ACAP2: variants seen among roughly 807,000 people sequenced by gnomAD.
The protein encoded by ACAP2 is arf-GAP with coiled-coil, ANK repeat and PH domain-containing protein 2.
In ACAP2, 39 loss-of-function variants were observed where a neutral mutation model predicts 115.8. The ratio of observed to expected loss-of-function variants is 0.34; its 90% confidence interval spans 0.26 to 0.44. The LOEUF (loss-of-function observed/expected upper bound fraction) is 0.44. Ranked by LOEUF, ACAP2 falls within the 20% of genes least tolerant of loss-of-function variation. The pLI, the probability that ACAP2 is intolerant of heterozygous loss-of-function variation, is 1.00. For missense variants in ACAP2, 662 were observed against 927.6 expected, an observed-to-expected ratio of 0.71 and a Z score of 3.72; for synonymous variants, 289 against 315.8, an observed-to-expected ratio of 0.92 and a Z score of 0.90.
In ACAP2 at chr3:195,413,585, C is replaced by T. The variant is rs527457277; in HGVS notation, c.54-21438G>A. Among the ~76,000 whole-genome samples the T allele has an allele frequency of 3.9e-5, 6 of 152,004 alleles. No homozygotes were observed. The East Asian group carries it at 9.6e-4, about 24-fold the overall frequency. ...CCAACATTGCGAAACCCTGTCTCTACGAAAAATACAAAAAATTAGGCGGGT... is the reference window on the plus strand; with the variant it reads ...CCAACATTGCGAAACCCTGTCTCTATGAAAAATACAAAAAATTAGGCGGGT... On this transcript the variant is annotated intron_variant, in intron 1 of 22. Transcript: ENST00000326793.
At chr3:195,294,847 C>T in intron 17 of ACAP2, 36 bp from the exon 18 acceptor site, 1 of 1,355,996 alleles carries the variant, frequency 7.4e-7, no homozygotes, top group Non-Finnish European at 1.0e-6. Flanking sequence ...GATTAAAGTT[C>T]ATGCCATTTA....
At chr3:195,310,943 A>G (rs75272913) in intron 10 of ACAP2, among the ~76,000 whole-genome samples, 3,282 of 152,214 alleles carry the variant, frequency 0.022, 115 homozygotes, top group East Asian at 0.1. Context: ...TGTGTCTTAC[A>G]ACACTATCAC....
At chr3:195,348,608 C>T (rs60177727) in intron 4 of ACAP2, among the ~76,000 whole-genome samples, 43,606 of 151,866 alleles carry the variant, frequency 0.29, 7,165 homozygotes, top group East Asian at 0.71. Context: ...CATAAGAATA[C>T]ATAGGAAGGA....
chr3:195,366,208 C>T (rs1732712207), intron 4 of ACAP2, among the ~76,000 whole-genome samples: 1 of 152,114 alleles, frequency 6.6e-6, no homozygotes, highest in African/African-American at 2.4e-5. Context: ...AGTGGTTCTC[C>T]ACTGGCTTAG....
intron 1 of ACAP2, among the ~76,000 whole-genome samples, chr3:195,434,590 T>C (rs1442670815): frequency 6.6e-6 from 1 of 152,228 alleles, no homozygotes; most frequent in Non-Finnish European, 1.5e-5. Context: ...AGGATAACAA[T>C]GGACTAATGA....
chr3:195,438,038 T>TTTA, intron 1 of ACAP2, among the ~76,000 whole-genome samples: 1 of 149,356 alleles, frequency 6.7e-6, no homozygotes, highest in South Asian at 2.1e-4. Context: ...TCTTTTTTTT[T>TTTA]TTTTTGAGAT....
At chr3:195,342,404 C>A in intron 6 of ACAP2, 67 bp downstream of exon 6, 1 of 1,406,344 alleles carries the variant, frequency 7.1e-7, no homozygotes, top group South Asian at 1.5e-5. Context: ...TTAGGGCGAT[C>A]ACTCAAAAGT....
chr3:195,364,472 G>A (rs540080631), intron 4 of ACAP2, among the ~76,000 whole-genome samples: 7 of 152,230 alleles, frequency 4.6e-5, no homozygotes, highest in East Asian at 3.9e-4. Flanking sequence ...TAGGGAGGCC[G>A]AGGCAGGAGA....
intron 18 of ACAP2, 86 bp downstream of exon 18, chr3:195,294,633 T>TATATATATAA (rs1560209956): frequency 9.6e-6 from 2 of 208,690 alleles, no homozygotes; most frequent in East Asian, 1.4e-4. Context: ...ATATATATAA[T>TATATATATAA]TTTTTTTTTA....
intron 4 of ACAP2, among the ~76,000 whole-genome samples, chr3:195,377,412 T>C (rs1733627170): frequency 6.6e-6 from 1 of 151,994 alleles, no homozygotes; most frequent in Non-Finnish European, 1.5e-5. Context: ...CCCAAAGTGC[T>C]GAGATTACAG....
At chr3:195,386,668 T>C (rs943584036) in intron 2 of ACAP2, among the ~76,000 whole-genome samples, 1 of 151,770 alleles carries the variant, frequency 6.6e-6, no homozygotes, top group East Asian at 1.9e-4. Flanking sequence ...AGGGAGAGCA[T>C]TAGGACAAAT....
At chr3:195,341,666 A>G (rs6437373) in intron 6 of ACAP2, among the ~76,000 whole-genome samples, 43,833 of 151,956 alleles carry the variant, frequency 0.29, 7,209 homozygotes, top group East Asian at 0.71. Context: ...CAAAAATATG[A>G]TAACACTACT....
At chr3:195,288,418 C>T (rs1372917923) in intron 21 of ACAP2, among the ~76,000 whole-genome samples, 1 of 152,086 alleles carries the variant, frequency 6.6e-6, no homozygotes, top group Non-Finnish European at 1.5e-5. Context: ...CAACCAACTT[C>T]GAAGTTCACA....
At chr3:195,408,041 G>A (rs952937353) in intron 1 of ACAP2, among the ~76,000 whole-genome samples, 7 of 152,012 alleles carry the variant, frequency 4.6e-5, no homozygotes, top group East Asian at 1.9e-4. Context: ...CCAACAAACC[G>A]GACAAGCTAG....
In ACAP2 at chr3:195,294,774, A is replaced by G; in HGVS notation, c.1710T>C (p.Asp570=). 1.2e-6 allele frequency: 2 copies of G among 1,610,374 alleles called. No homozygotes were observed. Among genetic ancestry groups the G allele is most frequent in the Non-Finnish European group, 1.7e-6 (2 of 1,177,478 alleles). The part of the protein sequence containing the change: ...SNDSGIQQSS[D]DGRESLPSTV... Reference sequence around the variant, plus strand: ...TGGAGGGTAAAGATTCTCTTCCATCATCAGAGCTCTGCTGAATTCCACTGT... The same window carrying G: ...TGGAGGGTAAAGATTCTCTTCCATCGTCAGAGCTCTGCTGAATTCCACTGT... The change falls in exon 18 of 23, where the codon GAT becomes GAC. Residue 570 remains aspartate, a synonymous_variant. Coordinates refer to ENST00000326793, the MANE Select transcript of ACAP2 (RefSeq NM_012287.6).
At chr3:195,421,538 T>C (rs1714190463) in intron 1 of ACAP2, among the ~76,000 whole-genome samples, 1 of 152,214 alleles carries the variant, frequency 6.6e-6, no homozygotes, top group African/African-American at 2.4e-5. Context: ...TTGTTTGTAT[T>C]TGTTGGAATC....
At chr3:195,380,495 T>C (rs1733872183) in intron 4 of ACAP2, among the ~76,000 whole-genome samples, 1 of 152,186 alleles carries the variant, frequency 6.6e-6, no homozygotes, top group Non-Finnish European at 1.5e-5. Flanking sequence ...AGGAATTTTG[T>C]GACACTCCCA....
chr3:195,281,663 A>T (rs536092369), intron 22 of ACAP2, among the ~76,000 whole-genome samples: 1 of 152,344 alleles, frequency 6.6e-6, no homozygotes, highest in South Asian at 2.1e-4. Context: ...GATACGTTGG[A>T]ACAGCTGGTA....
At chr3:195,393,228 C>G (rs918023782) in intron 1 of ACAP2, among the ~76,000 whole-genome samples, 5 of 152,112 alleles carry the variant, frequency 3.3e-5, no homozygotes, top group African/African-American at 1.2e-4. Context: ...CCCAGCTACT[C>G]AGGAGGCTGA....
Sources: gnomAD v4.1 joint callset for allele counts (sites outside exome capture counted in the v4.1 genomes callset) on GRCh38, gnomAD v4.1.1 for gene constraint, MANE v1.5 for transcripts, NCBI Gene and HGNC (gene_info 2026-07-23, HGNC 2026-07-21) for gene names.